Variants in AXDND1 observed in about 807,000 individuals in gnomAD.
AXDND1 encodes the protein axonemal dynein light chain domain containing 1.
In AXDND1, 110 loss-of-function variants were observed where a neutral mutation model predicts 137.5. The observed-to-expected ratio is 0.80, with a 90% CI of 0.69 to 0.94. The LOEUF is 0.94. AXDND1 is among the 40% of genes least tolerant of loss of function. AXDND1 has a pLI of 0.00. For synonymous variants in AXDND1, 414 were observed against 399.7 expected (o/e 1.04, Z -0.43); for missense variants, 1,191 against 1,169.8 (o/e 1.02, Z -0.26).
At chr1:179,464,732 C>T (rs1662877155) in intron 16 of AXDND1, among the ~76,000 whole-genome samples, 2 of 152,166 alleles carry the variant, frequency 1.3e-5, no homozygotes, top group Admixed American at 6.5e-5. Context: ...TTCCATTCTC[C>T]CTGTCACTTT....
chr1:179,466,235 C>T (rs762387434), intron 16 of AXDND1, among the ~76,000 whole-genome samples: 5 of 151,156 alleles, frequency 3.3e-5, no homozygotes, highest in Admixed American at 1.3e-4. Context: ...TGTTCCTATT[C>T]GGCCATCTTG....
chr1:179,416,692 G>GC (rs1262604693), intron 12 of AXDND1, among the ~76,000 whole-genome samples: 2 of 152,120 alleles, frequency 1.3e-5, no homozygotes, highest in African/African-American at 4.8e-5. Context: ...AAATTATAAG[G>GC]CTATGATGCT....
Position 179,430,592 on chromosome 1 carries a change from G to A in AXDND1, c.1473G>A (p.Trp491Ter). Residue 491 changes from tryptophan (W) to a stop codon, truncating the protein, a stop_gained, in exon 14 of 26, where the codon TGG becomes TGA. Transcript: ENST00000367618. LOFTEE classifies it high-confidence loss of function. ...TTGTTAAGGATGGGCTTATCAAATGGCAGGAGTTCTTCAAGTGAGTCACCA... is the reference window on the plus strand; with the variant it reads ...TTGTTAAGGATGGGCTTATCAAATGACAGGAGTTCTTCAAGTGAGTCACCA... ...LKIVKDGLIK[W>*]QEFFNEKDIL... 1 of 1,609,880 alleles carries A rather than the reference G, an allele frequency of 6.2e-7. No individual in the cohort carries two copies. Among genetic ancestry groups the A allele is most frequent in the South Asian group, 1.1e-5 (1 of 90,452 alleles).
intron 21 of AXDND1, among the ~76,000 whole-genome samples, chr1:179,522,144 ATCC>A (rs1670119338): frequency 6.6e-6 from 1 of 152,000 alleles, no homozygotes; most frequent in Non-Finnish European, 1.5e-5. Flanking sequence ...GTTGGAATCA[ATCC>A]CCCATGTCTC....
intron 21 of AXDND1, among the ~76,000 whole-genome samples, chr1:179,510,668 G>A (rs10913807): frequency 0.82 from 124,243 of 152,114 alleles, 50,992 homozygotes; most frequent in East Asian, 0.96. Flanking sequence ...TCAAGGAACT[G>A]TACAGAATCA....
Position 179,384,022 on chromosome 1 carries a change from G to GC in AXDND1, c.741+480dup, listed in dbSNP as rs572965160. Reference sequence around the variant, plus strand: ...TTACAGGCATGAACCACCGCACCAGGCCACCACTTGTAATTTTTATTTTCT... The same window carrying GC: ...TTACAGGCATGAACCACCGCACCAGGCCCACCACTTGTAATTTTTATTTTCT... On this transcript the variant is annotated intron_variant, in intron 8 of 25. Coordinates refer to ENST00000367618, the MANE Select transcript of AXDND1 (RefSeq NM_144696.6). Among the ~76,000 whole-genome samples, 578 of 152,138 alleles carry GC rather than the reference G, an allele frequency of 3.8e-3. 5 individuals are homozygous for GC. The highest frequency in any genetic ancestry group is 0.013 in the African/African-American group (549 of 41,506).
intron 17 of AXDND1, among the ~76,000 whole-genome samples, chr1:179,480,426 G>GC (rs1419482788): frequency 7.2e-5 from 11 of 152,154 alleles, no homozygotes; most frequent in African/African-American, 2.6e-4. Context: ...GGGGGAGACC[G>GC]CCCCCATGAT....
rs1673255437 is a variant in AXDND1, at chr1:179,551,400, C to T, written c.3032-3112C>T. ...GCAGGGGTGCCTGACAGAATCTCAG[C>T]TGCCATCCTCAGGGACTCAGAAGCA... On this transcript the variant is annotated intron_variant, in intron 25 of 25. Transcript: ENST00000367618. 9 of 1,614,058 alleles carry T rather than the reference C, an allele frequency of 5.6e-6. No individual in the cohort carries two copies. Among genetic ancestry groups the T allele is most frequent in the East Asian group, 2.2e-5 (1 of 44,880 alleles).
chr1:179,406,667 T>TA (rs1459179225), intron 11 of AXDND1, among the ~76,000 whole-genome samples: 1 of 152,190 alleles, frequency 6.6e-6, no homozygotes, highest in Non-Finnish European at 1.5e-5. Flanking sequence ...GATGTAAGTA[T>TA]AAGTACTCCT....
At chr1:179,391,799 A>G (rs750599222) in intron 9 of AXDND1, among the ~76,000 whole-genome samples, 10 of 152,034 alleles carry the variant, frequency 6.6e-5, no homozygotes, top group Non-Finnish European at 1.5e-4. Flanking sequence ...CAGCCTCCCA[A>G]AGTGCTGGGA....
chr1:179,483,829 T>C (rs1336563615), intron 18 of AXDND1, among the ~76,000 whole-genome samples: 1 of 152,206 alleles, frequency 6.6e-6, no homozygotes, highest in Admixed American at 6.5e-5. Context: ...CCATGAGGAA[T>C]TATGTGTATC....
rs190355012 is a variant in AXDND1 at position 179,434,586 on chromosome 1, A to G, written c.1563+2244A>G. Among the ~76,000 whole-genome samples the G allele has an allele frequency of 1.8e-3, 278 of 152,320 alleles. 1 individual carries two copies. Among genetic ancestry groups the G allele is most frequent in the African/African-American group, 6.2e-3 (258 of 41,568 alleles). ...TAAATGTAATCTATCACATAAACAGAACCAATGACAAAACCCACATGATTA... is the reference window on the plus strand; with the variant it reads ...TAAATGTAATCTATCACATAAACAGGACCAATGACAAAACCCACATGATTA... On this transcript the variant is annotated intron_variant, in intron 15 of 25. Coordinates refer to ENST00000367618, the MANE Select transcript of AXDND1 (RefSeq NM_144696.6).
chr1:179,495,726 A>G (rs1667372933), intron 20 of AXDND1, among the ~76,000 whole-genome samples: 1 of 151,816 alleles, frequency 6.6e-6, no homozygotes, highest in South Asian at 2.1e-4. Context: ...ATAAGACTGT[A>G]TAATACTAGG....
chr1:179,366,313 C>A, intron 1 of AXDND1, 91 bp from the exon 2 acceptor site: 1 of 483,486 alleles, frequency 2.1e-6, no homozygotes, highest in South Asian at 2.3e-5. Context: ...GAGAACCATG[C>A]TAGATGAATT....
intron 23 of AXDND1, among the ~76,000 whole-genome samples, 170 bp downstream of exon 23, chr1:179,528,601 C>T (rs916479942): frequency 5.3e-5 from 8 of 150,450 alleles, no homozygotes; most frequent in East Asian, 3.9e-4. Flanking sequence ...CTTTTTTCAC[C>T]GTAACTTTAC....
intron 16 of AXDND1, among the ~76,000 whole-genome samples, chr1:179,464,532 G>T (rs1020117961): frequency 2.0e-5 from 3 of 152,088 alleles, no homozygotes; most frequent in African/African-American, 7.2e-5. Flanking sequence ...ACTTTTCTCT[G>T]TGGCTGCCCT....
At chr1:179,418,107 T>C (rs930909020) in intron 12 of AXDND1, among the ~76,000 whole-genome samples, 8 of 151,636 alleles carry the variant, frequency 5.3e-5, no homozygotes, top group Non-Finnish European at 1.0e-4. Context: ...AACAAAGGTC[T>C]CTGGTTTTCC....
intron 21 of AXDND1, among the ~76,000 whole-genome samples, chr1:179,518,616 C>T (rs992133977): frequency 3.3e-5 from 5 of 152,068 alleles, no homozygotes; most frequent in Non-Finnish European, 5.9e-5. Context: ...CATTTAGGTC[C>T]CACTTAACAG....
chr1:179,386,419 G>A (rs775445848), intron 9 of AXDND1, among the ~76,000 whole-genome samples: 2 of 151,394 alleles, frequency 1.3e-5, no homozygotes, highest in Non-Finnish European at 1.5e-5. Context: ...TTTTTTTCAC[G>A]TTTCTTGTGC....
Sources: allele counts gnomAD v4.1 joint callset (sites outside exome capture counted in the v4.1 genomes callset), GRCh38; gene constraint gnomAD v4.1.1; transcripts MANE v1.5; gene names NCBI Gene and HGNC (gene_info 2026-07-23, HGNC 2026-07-21).